XRN1: variants seen among roughly 807,000 people sequenced by gnomAD.
XRN1 encodes 5'-3' exoribonuclease 1, also known as strand-exchange protein 1 homolog.
XRN1 carries 67 observed loss-of-function variants against 222.3 expected under a neutral mutation model. The observed-to-expected ratio is 0.30, with a 90% CI of 0.25 to 0.37. The LOEUF (loss-of-function observed/expected upper bound fraction) is 0.37, where lower values mean the gene tolerates loss of function less well. Ranked by LOEUF, XRN1 falls within the 10% of genes least tolerant of loss-of-function variation. The pLI is 1.00. For missense variants in XRN1, 1,707 were observed against 2,000.2 expected (o/e 0.85, Z 2.80); for synonymous variants, 643 against 652.4 (o/e 0.99, Z 0.22).
At chr3:142,362,855 C>T (rs887166419) in intron 29 of XRN1, among the ~76,000 whole-genome samples, 4 of 151,234 alleles carry the variant, frequency 2.6e-5, no homozygotes, top group African/African-American at 7.3e-5. Context: ...ACTGCATCTC[C>T]GATCTCCTGG....
intron 20 of XRN1, among the ~76,000 whole-genome samples, chr3:142,392,840 C>A (rs996577661): frequency 1.9e-3 from 290 of 151,406 alleles, no homozygotes; most frequent in Middle Eastern, 3.4e-3. Context: ...GTATATACCC[C>A]GTAATGGGAT....
In XRN1 at chr3:142,447,860, G is replaced by A; in HGVS notation, c.75+10C>T. ...TCGGCTTTCTGAGCCGTTGCCCCTC[G>A]CTCACCCACCTGATGCTCTTTCACC... is the stretch of plus-strand genomic sequence containing the variant. On this transcript the variant is annotated intron_variant, in intron 1 of 40. Transcript: ENST00000392981. The surrounding 1 kb of genome is among the most constrained non-coding windows in gnomAD (Gnocchi z 4.2). The A allele has an allele frequency of 6.2e-7, 1 of 1,612,834 alleles. No homozygotes were observed. The highest frequency in any genetic ancestry group is 8.5e-7 in the Non-Finnish European group (1 of 1,179,718).
chr3:142,363,191 T>C (rs1208951163), intron 29 of XRN1, among the ~76,000 whole-genome samples: 1 of 152,180 alleles, frequency 6.6e-6, no homozygotes. Context: ...ATGTCTTCAA[T>C]TCATTTTGAG....
At chr3:142,363,280 AT>A (rs915527216) in intron 29 of XRN1, among the ~76,000 whole-genome samples, 22 of 151,048 alleles carry the variant, frequency 1.5e-4, no homozygotes, top group African/African-American at 4.4e-4. Context: ...TTCCAACACC[AT>A]TTTTTTTCTT....
chr3:142,322,813 A>T (rs564905727), intron 37 of XRN1, among the ~76,000 whole-genome samples: 20 of 151,526 alleles, frequency 1.3e-4, no homozygotes, highest in African/African-American at 4.8e-4. Context: ...GACCAGCCTG[A>T]CCAACATGGT....
intron 10 of XRN1, among the ~76,000 whole-genome samples, chr3:142,419,409 G>A (rs1346347765): frequency 1.3e-5 from 2 of 152,154 alleles, no homozygotes; most frequent in African/African-American, 4.8e-5. Context: ...GAGCTAAGCA[G>A]CGAGAAGGAC....
rs2107839429 is a variant in XRN1 at position 142,310,892 on chromosome 3, G to T, written c.*619C>A. The T allele has an allele frequency of 6.6e-6, 1 of 152,570 alleles. No homozygotes were observed. Among genetic ancestry groups the T allele is most frequent in the Non-Finnish European group, 1.5e-5 (1 of 67,992 alleles). 9.5% of individuals were successfully genotyped at this position (152,570 alleles called of 1,614,324 possible). On this transcript the variant is annotated 3_prime_UTR_variant, in exon 41 of 41. Coordinates refer to ENST00000392981, the MANE Select transcript of XRN1 (RefSeq NM_001282857.2). Reference sequence around the variant, plus strand: ...TTCTGATTATTCTAAAGTTGCTTTGGTACAAAATTTAGAATAAAGCAAAAC... The same window carrying T: ...TTCTGATTATTCTAAAGTTGCTTTGTTACAAAATTTAGAATAAAGCAAAAC...
At chr3:142,315,075 C>T (rs796624830) in intron 39 of XRN1, among the ~76,000 whole-genome samples, 17 of 149,536 alleles carry the variant, frequency 1.1e-4, no homozygotes, top group African/African-American at 3.7e-4. Context: ...GCTGGAACTA[C>T]AGGCACATGG....
intron 23 of XRN1, among the ~76,000 whole-genome samples, chr3:142,378,811 C>T (rs774389390): frequency 2.6e-4 from 40 of 152,064 alleles, no homozygotes; most frequent in Non-Finnish European, 4.7e-4. Context: ...AGATCCATAC[C>T]AAGGCACACA....
intron 37 of XRN1, 39 bp from the exon 38 acceptor site, chr3:142,318,942 T>C (rs2065277975): frequency 6.4e-7 from 1 of 1,555,684 alleles, no homozygotes. Flanking sequence ...AAATTCTCTG[T>C]CTAGGAAGTT....
intron 32 of XRN1, among the ~76,000 whole-genome samples, chr3:142,350,231 A>T (rs1035054009): frequency 1.3e-5 from 2 of 152,138 alleles, no homozygotes; most frequent in African/African-American, 2.4e-5. Context: ...AAAAGACCTT[A>T]GAGGTCATCT....
chr3:142,370,107 C>G (rs947216851), intron 27 of XRN1, among the ~76,000 whole-genome samples: 1 of 151,174 alleles, frequency 6.6e-6, no homozygotes, highest in East Asian at 1.9e-4. Context: ...GATTATTAAC[C>G]TTATTCTCAA....
At chr3:142,354,494 C>T (rs1213110039) in intron 32 of XRN1, among the ~76,000 whole-genome samples, 1 of 152,178 alleles carries the variant, frequency 6.6e-6, no homozygotes, top group African/African-American at 2.4e-5. Flanking sequence ...GTTGCATTTG[C>T]TATTCACAAT....
At chr3:142,445,210 T>C (rs939236796) in intron 1 of XRN1, among the ~76,000 whole-genome samples, 43 of 152,164 alleles carry the variant, frequency 2.8e-4, no homozygotes, top group African/African-American at 1.0e-3. Context: ...TTTTTTTCAT[T>C]TACTTCTAAC....
In XRN1 at chr3:142,409,134, A is replaced by G. The variant is rs557704420; in HGVS notation, c.1713+3410T>C. On this transcript the variant is annotated intron_variant, in intron 15 of 40. Coordinates refer to ENST00000392981, the MANE Select transcript of XRN1 (RefSeq NM_001282857.2). ...GTTCTGCATATATTTTTTTTCTCCT[A>G]CACTGTGGCTTATCTACTCTTTTTT... Among the ~76,000 whole-genome samples the G allele has an allele frequency of 2.0e-5, 3 of 152,180 alleles. No homozygotes were observed. In the East Asian group the frequency reaches 5.8e-4, roughly 29 times the overall value.
At chr3:142,399,208 C>A (rs1242139156) in intron 19 of XRN1, among the ~76,000 whole-genome samples, 4 of 88,080 alleles carry the variant, frequency 4.5e-5, no homozygotes, top group Admixed American at 1.2e-4. Flanking sequence ...TATGAAAAGG[C>A]AAAGGACCTA....
At chr3:142,358,044 C>T (rs1479664872) in intron 30 of XRN1, among the ~76,000 whole-genome samples, 1 of 151,866 alleles carries the variant, frequency 6.6e-6, no homozygotes, top group Non-Finnish European at 1.5e-5. Context: ...TCTCAAAAAA[C>T]AAAATACAAC....
chr3:142,431,914 A>T (rs13061487), intron 2 of XRN1, among the ~76,000 whole-genome samples: 457 of 31,914 alleles, frequency 0.014, 21 homozygotes, highest in African/African-American at 0.074. Context: ...ATATATATAA[A>T]TATATATAAT....
Position 142,310,042 on chromosome 3 carries a change from T to C in XRN1, c.*1469A>G, listed in dbSNP as rs2065045664. ...TTATACGACTATGATAAATGACAGA[T>C]AATGAATATTTCTCTCTTATACTGA... On this transcript the variant is annotated 3_prime_UTR_variant, in exon 41 of 41. Transcript: ENST00000392981. The C allele has an allele frequency of 6.6e-6, 1 of 152,636 alleles. No homozygotes were observed. Among genetic ancestry groups the C allele is most frequent in the African/African-American group, 2.4e-5 (1 of 41,458 alleles). 9.5% of individuals were successfully genotyped at this position (152,636 alleles called of 1,614,324 possible).
Sources: gnomAD v4.1 joint callset for allele counts (sites outside exome capture counted in the v4.1 genomes callset) on GRCh38, gnomAD v4.1.1 for gene constraint, Gnocchi (gnomAD v3.1) non-coding constraint, MANE v1.5 for transcripts, NCBI Gene and HGNC (gene_info 2026-07-23, HGNC 2026-07-21) for gene names.